PTPRD: variants seen among roughly 807,000 people sequenced by gnomAD.
The protein encoded by PTPRD is receptor-type tyrosine-protein phosphatase delta.
In PTPRD, 34 loss-of-function variants were observed where a neutral mutation model predicts 214.5. That is an observed-to-expected ratio of 0.16 (90% CI 0.12 to 0.21). The LOEUF (loss-of-function observed/expected upper bound fraction) is 0.21, where lower values mean the gene tolerates loss of function less well. Ranked by LOEUF, PTPRD falls within the 10% of genes least tolerant of loss-of-function variation. PTPRD has a pLI of 1.00. For synonymous variants in PTPRD, 1,128 were observed against 845.7 expected, an observed-to-expected ratio of 1.33 and a Z score of -5.79; for missense variants, 2,545 against 2,398.7, an observed-to-expected ratio of 1.06 and a Z score of -1.27.
intron 8 of PTPRD, among the ~76,000 whole-genome samples, chr9:9,421,784 G>A (rs1274956278): frequency 6.6e-6 from 1 of 151,988 alleles, no homozygotes; most frequent in Admixed American, 6.6e-5. Context: ...TTTGACACTG[G>A]CGTCTCAGCA....
At chr9:10,213,897 T>C (rs924867154) in intron 3 of PTPRD, among the ~76,000 whole-genome samples, 2 of 152,098 alleles carry the variant, frequency 1.3e-5, no homozygotes, top group African/African-American at 4.8e-5. Flanking sequence ...TCAGAACCTG[T>C]TTTCATTCCT....
chr9:9,765,250 C>T (rs1174584), intron 6 of PTPRD, among the ~76,000 whole-genome samples: 27,042 of 152,088 alleles, frequency 0.18, 3,732 homozygotes, highest in East Asian at 0.38. Context: ...AGGCTTTCTT[C>T]TTCCATATGA....
intron 8 of PTPRD, among the ~76,000 whole-genome samples, chr9:9,456,543 A>G (rs1263879755): frequency 1.3e-5 from 2 of 151,794 alleles, no homozygotes; most frequent in East Asian, 3.9e-4. Flanking sequence ...AAGAATATAG[A>G]GTTAAAAATG....
intron 3 of PTPRD, among the ~76,000 whole-genome samples, chr9:10,331,100 C>A (rs2096741761): frequency 6.6e-6 from 1 of 151,838 alleles, no homozygotes; most frequent in South Asian, 2.1e-4. Context: ...ATGCCTTCTG[C>A]AAACTACTCC....
intron 2 of PTPRD, among the ~76,000 whole-genome samples, chr9:10,476,639 T>TA (rs1227367014): frequency 6.6e-6 from 1 of 152,134 alleles, no homozygotes; most frequent in Non-Finnish European, 1.5e-5. Flanking sequence ...GAAAAACTAA[T>TA]TTAAATTTTA....
chr9:9,879,374 G>A (rs1053747473), intron 5 of PTPRD, among the ~76,000 whole-genome samples: 1 of 152,106 alleles, frequency 6.6e-6, no homozygotes, highest in African/African-American at 2.4e-5. Context: ...ATGCCTCTAG[G>A]TAGAATTGAA....
intron 3 of PTPRD, among the ~76,000 whole-genome samples, chr9:10,085,716 G>A (rs897239015): frequency 6.6e-6 from 1 of 151,530 alleles, no homozygotes; most frequent in Non-Finnish European, 1.5e-5. Flanking sequence ...CACGCACAAA[G>A]GCAAAGATGG....
At chr9:10,249,541 T>C (rs1041847552) in intron 3 of PTPRD, among the ~76,000 whole-genome samples, 2 of 152,168 alleles carry the variant, frequency 1.3e-5, no homozygotes, top group Non-Finnish European at 2.9e-5. Flanking sequence ...CAAAGGATGG[T>C]CACTGGCCAA....
At chr9:9,378,201 C>G (rs973690546) in intron 9 of PTPRD, among the ~76,000 whole-genome samples, 2 of 152,168 alleles carry the variant, frequency 1.3e-5, no homozygotes, top group African/African-American at 4.8e-5. Flanking sequence ...ATCCACACTG[C>G]AACCCCTGGC....
intron 4 of PTPRD, among the ~76,000 whole-genome samples, chr9:9,987,183 T>C (rs2095745211): frequency 6.6e-6 from 1 of 152,174 alleles, no homozygotes; most frequent in African/African-American, 2.4e-5. Context: ...AGGCTGACTA[T>C]TAATAGAAAT....
chr9:10,066,888 G>C (rs771663740), intron 3 of PTPRD, among the ~76,000 whole-genome samples: 3 of 151,756 alleles, frequency 2.0e-5, no homozygotes, highest in East Asian at 1.9e-4. Context: ...CTGAATGCTA[G>C]AGTAAAACAT....
intron 10 of PTPRD, among the ~76,000 whole-genome samples, chr9:9,142,183 G>A (rs138997879): frequency 9.8e-5 from 15 of 152,298 alleles, no homozygotes; most frequent in African/African-American, 3.6e-4. Context: ...TTTAAGCTCC[G>A]CAGAGGCAAA....
rs34917326 is a variant in PTPRD, at chr9:10,278,813, T to G, written c.-545+62150A>C. On this transcript the variant is annotated intron_variant, in intron 3 of 45. Coordinates refer to ENST00000381196, the MANE Select transcript of PTPRD (RefSeq NM_002839.4). ...TTTTTCAGATGGAGTCTCGCTCTGT[T>G]GCCCAGGCTGGAGTGCAGTAGCGCG... Among the ~76,000 whole-genome samples, 6 of 152,098 alleles carry G rather than the reference T, an allele frequency of 3.9e-5. No homozygotes were observed. In the East Asian group the frequency reaches 5.8e-4, roughly 15 times the overall value.
chr9:9,817,962 A>G (rs2049321959), intron 5 of PTPRD, among the ~76,000 whole-genome samples: 1 of 152,150 alleles, frequency 6.6e-6, no homozygotes, highest in Non-Finnish European at 1.5e-5. Flanking sequence ...TAGAGTCAAA[A>G]TGTTGATCTC....
At chr9:8,991,700 T>G (rs1291302728) in intron 11 of PTPRD, among the ~76,000 whole-genome samples, 2 of 152,178 alleles carry the variant, frequency 1.3e-5, no homozygotes, top group Non-Finnish European at 2.9e-5. Flanking sequence ...AATTTGCCTC[T>G]TAGGGTAATT....
chr9:10,204,521 G>A (rs1047508861), intron 3 of PTPRD, among the ~76,000 whole-genome samples: 1 of 152,048 alleles, frequency 6.6e-6, no homozygotes, highest in East Asian at 1.9e-4. Context: ...TGTTGAACAA[G>A]CAGATAAATT....
At chr9:10,234,787 A>G (rs973921100) in intron 3 of PTPRD, among the ~76,000 whole-genome samples, 2 of 151,934 alleles carry the variant, frequency 1.3e-5, no homozygotes, top group African/African-American at 4.8e-5. Flanking sequence ...CACAACAATA[A>G]TAAGAGCCAA....
At chr9:9,672,123 G>T (rs185534239) in intron 7 of PTPRD, among the ~76,000 whole-genome samples, 1 of 152,204 alleles carries the variant, frequency 6.6e-6, no homozygotes, top group African/African-American at 2.4e-5. Flanking sequence ...ATTTATTAAG[G>T]AGTCTGCAGC....
chr9:10,497,206 C>T (rs1482888894), intron 2 of PTPRD, among the ~76,000 whole-genome samples: 1 of 151,942 alleles, frequency 6.6e-6, no homozygotes, highest in African/African-American at 2.4e-5. Context: ...ACTATGCTCA[C>T]CACCTGAGTG....
Sources: allele counts gnomAD v4.1 joint callset (sites outside exome capture counted in the v4.1 genomes callset), GRCh38; gene constraint gnomAD v4.1.1; transcripts MANE v1.5; gene names NCBI Gene and HGNC (gene_info 2026-07-23, HGNC 2026-07-21).